ITPRID2: variants seen among roughly 807,000 people sequenced by gnomAD.
ITPRID2 encodes the protein ITPR interacting domain containing 2.
A neutral mutation model predicts 124.3 loss-of-function variants in ITPRID2; 60 were observed. That is an observed-to-expected ratio of 0.48 (90% confidence interval 0.39 to 0.60). The LOEUF (loss-of-function observed/expected upper bound fraction) is 0.60, where lower values mean the gene tolerates loss of function less well. Ranked by LOEUF, ITPRID2 falls within the 20% of genes least tolerant of loss-of-function variation. ITPRID2 has a pLI of 0.00. For synonymous variants in ITPRID2, 521 were observed against 542.9 expected (o/e 0.96, Z 0.56); for missense variants, 1,553 against 1,512.2 (o/e 1.03, Z -0.45).
At position 181,902,534 on chromosome 2, in the gene ITPRID2, T is replaced by C; in HGVS notation, c.1413+68T>C. On this transcript the variant is annotated intron_variant, in intron 8 of 17. Transcript: ENST00000431877. This position sits in a 1 kb window ranked among gnomAD's most constrained non-coding sequence, Gnocchi z 4.4. ...GGAAAAAAAGTACCAAAAATGCTTA[T>C]AAAATGAGAGGTAGCTAATAGATTT... 1 of 1,178,010 alleles carries C rather than the reference T, an allele frequency of 8.5e-7. No homozygotes were observed. Among genetic ancestry groups the C allele is most frequent in the Non-Finnish European group, 1.2e-6 (1 of 843,940 alleles). The allele number at this position is 1,178,010 out of a possible 1,614,324, so 73.0% of individuals were successfully genotyped here.
chr2:181,915,978 G>A lies in ITPRID2; in HGVS notation c.2338G>A (p.Glu780Lys). ...SFTYKYTPEE[E>K]QELEKRVMEH... ...CACCTATAAGTACACACCTGAAGAG[G>A]AGCAGGAATTGGAAAAGCGGGTGAT... Residue 780 changes from glutamate (E) to lysine (K), a missense_variant, in exon 11 of 18, where the codon GAG becomes AAG. Coordinates refer to ENST00000431877, the MANE Select transcript of ITPRID2 (RefSeq NM_001130445.3). The A allele has an allele frequency of 6.2e-7, 1 of 1,614,180 alleles. No individual in the cohort carries two copies. The highest frequency in any genetic ancestry group is 8.5e-7 in the Non-Finnish European group (1 of 1,180,038).
At chr2:181,914,292 A>G (rs1301749799) in intron 10 of ITPRID2, among the ~76,000 whole-genome samples, 1 of 152,160 alleles carries the variant, frequency 6.6e-6, no homozygotes, top group African/African-American at 2.4e-5. Context: ...ACTGACATTA[A>G]TTGTGGACCT....
intron 9 of ITPRID2, among the ~76,000 whole-genome samples, chr2:181,912,286 C>T (rs934207893): frequency 5.3e-5 from 8 of 152,158 alleles, no homozygotes; most frequent in Non-Finnish European, 5.9e-5. Flanking sequence ...TATGAAAATA[C>T]GTAATTATAG....
At chr2:181,895,168 T>G (rs1439037632) in intron 2 of ITPRID2, among the ~76,000 whole-genome samples, 2 of 152,034 alleles carry the variant, frequency 1.3e-5, no homozygotes, top group South Asian at 4.1e-4. Context: ...TCATGATTGA[T>G]CCCATGTCTC....
At position 181,922,219 on chromosome 2, in the gene ITPRID2, C is replaced by T; in HGVS notation, c.3482C>T (p.Ser1161Phe). ...ASVALTPTAP[S>F]RTGSVQTPPD... Reference sequence around the variant, plus strand: ...GTGGCTCTAACGCCAACAGCTCCTTCTAGAACAGGCTCTGTGCAGACACCT... The same window carrying T: ...GTGGCTCTAACGCCAACAGCTCCTTTTAGAACAGGCTCTGTGCAGACACCT... The change falls in exon 16 of 18, where the codon TCT becomes TTT. Residue 1161 changes from serine (S) to phenylalanine (F), a missense_variant. Physicochemically the swap from Ser to Phe is radical, Grantham distance 155 (BLOSUM62 -2). Transcript: ENST00000431877. The T allele has an allele frequency of 1.9e-6, 3 of 1,614,240 alleles. No homozygotes were observed. Among genetic ancestry groups the T allele is most frequent in the Middle Eastern group, 1.6e-4 (1 of 6,062 alleles).
chr2:181,906,961 T>A (rs1447894336), intron 8 of ITPRID2, among the ~76,000 whole-genome samples: 3 of 152,200 alleles, frequency 2.0e-5, no homozygotes, highest in Admixed American at 1.3e-4. Flanking sequence ...AATGATTTCC[T>A]CTGACATTTT....
intron 10 of ITPRID2, 95 bp from the exon 11 acceptor site, chr2:181,915,121 C>A: frequency 7.1e-7 from 1 of 1,414,814 alleles, no homozygotes; most frequent in Non-Finnish European, 9.6e-7. Flanking sequence ...GCAGTGGAGA[C>A]AGTGAAATTA....
Position 181,919,159 on chromosome 2 carries a change from G to A in ITPRID2, c.2994-137G>A. 1 of 979,986 alleles carries A rather than the reference G, an allele frequency of 1.0e-6. No individual in the cohort carries two copies. Among genetic ancestry groups the A allele is most frequent in the Non-Finnish European group, 1.5e-6 (1 of 663,014 alleles). The allele number at this position is 979,986 out of a possible 1,614,324, so 60.7% of individuals were successfully genotyped here. A position where few individuals can be genotyped will look rare whatever the true frequency, so the allele number is the denominator to read the frequency against. On this transcript the variant is annotated intron_variant, in intron 13 of 17. Coordinates refer to ENST00000431877, the MANE Select transcript of ITPRID2 (RefSeq NM_001130445.3). The surrounding 1 kb of genome is among the most constrained non-coding windows in gnomAD (Gnocchi z 4.2). The stretch of plus-strand genomic sequence containing the variant: ...TAATGTCCTTGTGGATACACCTATT[G>A]TAGTTGATATTGTACTAATTTCTAG...
At position 181,896,002 on chromosome 2, in the gene ITPRID2, T is replaced by C; in HGVS notation, c.258-28T>C. On this transcript the variant is annotated intron_variant, in intron 2 of 17. Coordinates refer to ENST00000431877, the MANE Select transcript of ITPRID2 (RefSeq NM_001130445.3). This position sits in a 1 kb window ranked among gnomAD's most constrained non-coding sequence, Gnocchi z 4.3. ...CTTTCCAAATAGCCTTTCACAAGAC[T>C]AAGGCTTATACGTTTATATGGTTTC... 6.2e-7 allele frequency: 1 copy of C among 1,605,236 alleles called. No individual in the cohort carries two copies. Among genetic ancestry groups the C allele is most frequent in the Non-Finnish European group, 8.5e-7 (1 of 1,172,764 alleles).
chr2:181,903,290 C>T (rs1454523366), intron 8 of ITPRID2, among the ~76,000 whole-genome samples: 1 of 152,100 alleles, frequency 6.6e-6, no homozygotes, highest in Non-Finnish European at 1.5e-5. Context: ...GTAGTGGTCT[C>T]ATTTTATACA....
chr2:181,928,024 C>T, intron 16 of ITPRID2, 137 bp from the exon 17 acceptor site: 2 of 602,618 alleles, frequency 3.3e-6, no homozygotes, highest in Non-Finnish European at 5.9e-6. Flanking sequence ...ATTCCCCACT[C>T]CCTCTCTGTA....
In ITPRID2 at chr2:181,922,403, C is replaced by T. The variant is rs1366728371; in HGVS notation, c.3666C>T (p.Val1222=). Residue 1222 remains valine (V), a synonymous_variant, in exon 16 of 18, where the codon GTC becomes GTT. Transcript: ENST00000431877. The stretch of plus-strand genomic sequence containing the variant: ...TGGAGCAAGATGAGTTGCAGCAAGT[C>T]ATACGGGAGGTGGGTAAAATCTGTG... ...KNVEQDELQQ[V]IREIKESIVG... 9 of 1,608,690 alleles carry T rather than the reference C, an allele frequency of 5.6e-6. No individual in the cohort carries two copies. The highest frequency in any genetic ancestry group is 1.7e-5 in the Admixed American group (1 of 59,584).
Position 181,892,798 on chromosome 2 carries a change from C to A in ITPRID2, c.257+138C>A. The A allele has an allele frequency of 3.2e-6, 3 of 923,530 alleles. No homozygotes were observed. Among genetic ancestry groups the A allele is most frequent in the Admixed American group, 2.1e-5 (1 of 47,338 alleles). The allele number at this position is 923,530 out of a possible 1,614,324, so 57.2% of individuals were successfully genotyped here. On this transcript the variant is annotated intron_variant, in intron 2 of 17. Coordinates refer to ENST00000431877, the MANE Select transcript of ITPRID2 (RefSeq NM_001130445.3). The surrounding 1 kb of genome is among the most constrained non-coding windows in gnomAD (Gnocchi z 5.2). ...AACCGGAAAGTGAGCCGGCGGATAG[C>A]TTCCTCCTCTAAGCGATTAGAAATG...
chr2:181,916,298 G>T lies in ITPRID2; in HGVS notation c.2658G>T (p.Gly886=). The T allele has an allele frequency of 6.2e-7, 1 of 1,614,168 alleles. No individual in the cohort carries two copies. Among genetic ancestry groups the T allele is most frequent in the African/African-American group, 1.3e-5 (1 of 75,036 alleles). Reference sequence around the variant, plus strand: ...GTAGTGCCTTCGCTTCCCCTTTCGGGTGTCCTTACTCACATAGACATGCCA... The same window carrying T: ...GTAGTGCCTTCGCTTCCCCTTTCGGTTGTCCTTACTCACATAGACATGCCA... ...ATCSAFASPF[G]CPYSHRHATY... The change falls in exon 11 of 18, where the codon GGG becomes GGT. Residue 886 remains glycine, a synonymous_variant. Transcript: ENST00000431877.
intron 4 of ITPRID2, among the ~76,000 whole-genome samples, chr2:181,898,171 A>T (rs563680298): frequency 6.6e-6 from 1 of 152,068 alleles, no homozygotes; most frequent in Non-Finnish European, 1.5e-5. Flanking sequence ...TTTCTGGTGG[A>T]TGTACAAAGA....
At chr2:181,901,016 T>A (rs1353855672) in intron 7 of ITPRID2, 112 bp downstream of exon 7, 1 of 841,188 alleles carries the variant, frequency 1.2e-6, no homozygotes, top group African/African-American at 1.7e-5. Flanking sequence ...AGTAAAGAGA[T>A]TGATTAACGC....
rs760242076 is a variant in ITPRID2 at position 181,919,318 on chromosome 2, G to C, written c.3016G>C (p.Gly1006Arg). 28 of 1,613,966 alleles carry C rather than the reference G, an allele frequency of 1.7e-5. No homozygotes were observed. Among genetic ancestry groups the C allele is most frequent in the Non-Finnish European group, 2.3e-5 (27 of 1,180,042 alleles). ...TAGGTTTGAAGTTGATCAGCTCCAG[G>C]GTTTGAGAAATTCAGTCCGAATGGA... is the stretch of plus-strand genomic sequence containing the variant. Reference protein sequence around the residue: ...EERFEVDQLQGLRNSVRMELQ... With the variant: ...EERFEVDQLQRLRNSVRMELQ... Residue 1006 changes from glycine to arginine, a missense_variant, in exon 14 of 18, where the codon GGT becomes CGT. Gly to Arg is a moderately radical substitution (Grantham distance 125). Coordinates refer to ENST00000431877, the MANE Select transcript of ITPRID2 (RefSeq NM_001130445.3). The surrounding 1 kb of genome is among the most constrained non-coding windows in gnomAD (Gnocchi z 4.2).
Position 181,892,056 on chromosome 2 carries a change from C to T in ITPRID2, c.-11C>T. The T allele has an allele frequency of 1.3e-6, 2 of 1,548,502 alleles. No homozygotes were observed. The highest frequency in any genetic ancestry group is 1.7e-6 in the Non-Finnish European group (2 of 1,146,952). On this transcript the variant is annotated 5_prime_UTR_variant, in exon 1 of 18. Coordinates refer to ENST00000431877, the MANE Select transcript of ITPRID2 (RefSeq NM_001130445.3). The surrounding 1 kb of genome is among the most constrained non-coding windows in gnomAD (Gnocchi z 5.2). The stretch of plus-strand genomic sequence containing the variant: ...GGGTCCGGCTGGGGTAGCGGAGCCC[C>T]CAGTGCGGCCATGGACCGGCCCCTG...
At position 181,928,294 on chromosome 2, in the gene ITPRID2, T is replaced by A. The variant is rs200890310; in HGVS notation, c.*13+16T>A. 216 of 1,445,144 alleles carry A rather than the reference T, an allele frequency of 1.5e-4. No individual in the cohort carries two copies. Among genetic ancestry groups the A allele is most frequent in the Non-Finnish European group, 1.8e-4 (194 of 1,061,582 alleles). The allele number at this position is 1,445,144 out of a possible 1,614,324, so 89.5% of individuals were successfully genotyped here. On this transcript the variant is annotated intron_variant, in intron 17 of 17. Transcript: ENST00000431877. ...GAAATTATAGGTAAATTTTTCTGAGTTTCTTTGTTGAGCTAAATGTAAATA... is the reference window on the plus strand; with the variant it reads ...GAAATTATAGGTAAATTTTTCTGAGATTCTTTGTTGAGCTAAATGTAAATA...
Sources: gnomAD v4.1 joint callset for allele counts (sites outside exome capture counted in the v4.1 genomes callset) on GRCh38, gnomAD v4.1.1 for gene constraint, Gnocchi (gnomAD v3.1) non-coding constraint, MANE v1.5 for transcripts, NCBI Gene and HGNC (gene_info 2026-07-23, HGNC 2026-07-21) for gene names.